The following RP1 variants were observed in gnomAD, a reference collection of about 807,000 sequenced individuals.
RP1 encodes the protein oxygen-regulated protein 1.
RP1 carries 16 observed loss-of-function variants against 14.8 expected under a neutral mutation model. The ratio of observed to expected loss-of-function variants is 1.08; its 90% confidence interval spans 0.73 to 1.65. The LOEUF (loss-of-function observed/expected upper bound fraction) is 1.65, where lower values mean the gene tolerates loss of function less well. RP1 is among the 40% of genes most tolerant of loss of function. RP1 has a pLI of 0.00. For synonymous variants in RP1, 876 were observed against 883.6 expected, an observed-to-expected ratio of 0.99 and a Z score of 0.15; for missense variants, 2,631 against 2,535.0, an observed-to-expected ratio of 1.04 and a Z score of -0.81.
chr8:54,652,887 T>A, intron 5 of RP1: 1 of 1,508,848 alleles, frequency 6.6e-7, no homozygotes, highest in Non-Finnish European at 8.9e-7. Context: ...ATCAACACTT[T>A]CCCATTCTTT....
At position 54,626,411 on chromosome 8, in the gene RP1, A is replaced by C. The variant is rs750369478; in HGVS notation, c.2529A>C (p.Ala843=). 4 of 1,613,674 alleles carry C rather than the reference A, an allele frequency of 2.5e-6. No homozygotes were observed. The highest frequency in any genetic ancestry group is 3.4e-6 in the Non-Finnish European group (4 of 1,179,864). Residue 843 remains alanine, a synonymous_variant, in exon 4 of 4, where the codon GCA becomes GCC. Coordinates refer to ENST00000220676, the MANE Select transcript of RP1 (RefSeq NM_006269.2). ...CACCGCAATCTCAAGCAGAAGTGGC[A>C]TCTGGGTATTTGAGAGGAATGGCAA... ...FYAPQSQAEV[A]SGYLRGMAKK... is the part of the protein sequence containing the mutation.
chr8:54,766,021 G>C (rs1454606905), intron 22 of RP1, among the ~76,000 whole-genome samples: 1 of 152,124 alleles, frequency 6.6e-6, no homozygotes, highest in African/African-American at 2.4e-5. Flanking sequence ...GGGAAGGAAG[G>C]AGGGAGGGGG....
At chr8:54,759,453 C>G (rs1295991784) in intron 22 of RP1, among the ~76,000 whole-genome samples, 1 of 152,096 alleles carries the variant, frequency 6.6e-6, no homozygotes, top group Admixed American at 6.5e-5. Flanking sequence ...GAGAATATTA[C>G]AGAGAAGAAC....
chr8:54,570,636 CTT>C (rs36050577), intron 1 of RP1, among the ~76,000 whole-genome samples: 8 of 145,244 alleles, frequency 5.5e-5, no homozygotes, highest in African/African-American at 1.3e-4. Context: ...CCTAGGTAAA[CTT>C]TTTTTTTTTT....
intron 1 of RP1, among the ~76,000 whole-genome samples, chr8:54,617,918 T>C (rs961231433): frequency 1.3e-5 from 2 of 152,210 alleles, no homozygotes; most frequent in African/African-American, 2.4e-5. Flanking sequence ...TCAACAATAA[T>C]ACCTAATCTT....
chr8:54,651,015 ATG>A (rs148376012), intron 4 of RP1, among the ~76,000 whole-genome samples: 3 of 150,516 alleles, frequency 2.0e-5, no homozygotes, highest in Non-Finnish European at 3.0e-5. Context: ...TCAAATGTGC[ATG>A]TGTGTGTGTG....
At chr8:54,754,795 AATT>A in intron 19 of RP1, 1 of 1,492,088 alleles carries the variant, frequency 6.7e-7, no homozygotes, top group Non-Finnish European at 8.9e-7. Context: ...TTTTTCTTCT[AATT>A]CCAGGTGACC....
At chr8:54,716,477 C>T (rs779592211) in intron 15 of RP1, among the ~76,000 whole-genome samples, 1 of 152,082 alleles carries the variant, frequency 6.6e-6, no homozygotes, top group Non-Finnish European at 1.5e-5. Context: ...CTGGTCTTTA[C>T]TGAAGTGTGG....
chr8:54,810,350 A>G (rs988985432), intron 24 of RP1, among the ~76,000 whole-genome samples: 1 of 152,156 alleles, frequency 6.6e-6, no homozygotes, highest in Admixed American at 6.5e-5. Context: ...TTATTTGGGC[A>G]ATTATTTCCT....
intron 6 of RP1, among the ~76,000 whole-genome samples, chr8:54,656,588 A>G (rs1312166455): frequency 1.3e-5 from 2 of 151,884 alleles, no homozygotes; most frequent in Non-Finnish European, 2.9e-5. Context: ...AAATTTATCT[A>G]TTTGATTAGG....
chr8:54,855,407 T>C (rs1406651890), intron 26 of RP1, among the ~76,000 whole-genome samples: 1 of 152,206 alleles, frequency 6.6e-6, no homozygotes, highest in Non-Finnish European at 1.5e-5. Context: ...TTTTAGCTAT[T>C]GTGAATGATG....
chr8:54,591,815 A>T (rs576448661), intron 1 of RP1, among the ~76,000 whole-genome samples: 4 of 152,152 alleles, frequency 2.6e-5, no homozygotes, highest in African/African-American at 9.6e-5. Flanking sequence ...GGCTGGGGTA[A>T]CTGGGCACTG....
intron 15 of RP1, among the ~76,000 whole-genome samples, chr8:54,717,442 T>A (rs1384776058): frequency 6.6e-6 from 1 of 152,086 alleles, no homozygotes; most frequent in East Asian, 1.9e-4. Flanking sequence ...AGGAATGAGG[T>A]GATGGGGCCT....
downstream of RP1, among the ~76,000 whole-genome samples, chr8:54,771,161 T>A (rs1809893807): frequency 6.6e-6 from 1 of 152,072 alleles, no homozygotes; most frequent in Non-Finnish European, 1.5e-5. Context: ...ATTTATTTTG[T>A]AAGGAAAAGT....
At chr8:54,815,167 C>G (rs1316708216) in intron 24 of RP1, among the ~76,000 whole-genome samples, 1 of 152,146 alleles carries the variant, frequency 6.6e-6, no homozygotes, top group East Asian at 1.9e-4. Flanking sequence ...AAAATCAACC[C>G]TTAACTCTCT....
rs147316846 is a variant in RP1 at position 54,628,373 on chromosome 8, G to A, written c.4491G>A (p.Glu1497=). The part of the protein sequence containing the change: ...EQATEELIQE[E]VEASKTLELI... ...CCACTGAAGAATTAATCCAAGAAGAGGTAGAGGCTAGTAAAACTTTAGAAT... is the reference window on the plus strand; with the variant it reads ...CCACTGAAGAATTAATCCAAGAAGAAGTAGAGGCTAGTAAAACTTTAGAAT... Residue 1497 remains glutamate, a synonymous_variant, in exon 4 of 4, where the codon GAG becomes GAA. Coordinates refer to ENST00000220676, the MANE Select transcript of RP1 (RefSeq NM_006269.2). The A allele has an allele frequency of 1.2e-6, 2 of 1,613,638 alleles. No homozygotes were observed. The highest frequency in any genetic ancestry group is 1.7e-6 in the Non-Finnish European group (2 of 1,179,776).
At chr8:54,805,163 T>C (rs1349173487) in intron 24 of RP1, among the ~76,000 whole-genome samples, 1 of 152,240 alleles carries the variant, frequency 6.6e-6, no homozygotes, top group Non-Finnish European at 1.5e-5. Flanking sequence ...TAGATCATCC[T>C]GGACAGAGAG....
intron 1 of RP1, among the ~76,000 whole-genome samples, chr8:54,577,762 G>C (rs1430048457): frequency 6.6e-6 from 1 of 152,070 alleles, no homozygotes; most frequent in East Asian, 1.9e-4. Flanking sequence ...ACCCCTCACG[G>C]AGCTGGAAAG....
At chr8:54,694,321 A>G (rs1239872237) in intron 12 of RP1, among the ~76,000 whole-genome samples, 1 of 152,156 alleles carries the variant, frequency 6.6e-6, no homozygotes, top group Non-Finnish European at 1.5e-5. Context: ...TATCAGGATG[A>G]TGCTGGCCTC....
Sources: gnomAD v4.1 joint callset for allele counts (sites outside exome capture counted in the v4.1 genomes callset) on GRCh38, gnomAD v4.1.1 for gene constraint, MANE v1.5 for transcripts, NCBI Gene and HGNC (gene_info 2026-07-23, HGNC 2026-07-21) for gene names.